Variants in DOCK1 observed in about 807,000 individuals in gnomAD.
The protein encoded by DOCK1 is dedicator of cytokinesis protein 1.
A neutral mutation model predicts 262.7 loss-of-function variants in DOCK1; 138 were observed. The ratio of observed to expected loss-of-function variants is 0.53; its 90% CI spans 0.46 to 0.61. The LOEUF (loss-of-function observed/expected upper bound fraction) is 0.61, where lower values mean the gene tolerates loss of function less well. Among genes scored for constraint, DOCK1 ranks in the 20% least tolerant of loss-of-function variants. The pLI, the probability that DOCK1 is intolerant of heterozygous loss-of-function variation, is 0.00. For synonymous variants in DOCK1, 866 were observed against 867.4 expected (o/e 1.00, Z 0.03); for missense variants, 1,908 against 2,370.7 (o/e 0.80, Z 4.05).
intron 27 of DOCK1, among the ~76,000 whole-genome samples, chr10:127,215,020 A>C (rs1368108858): frequency 6.6e-6 from 1 of 152,102 alleles, no homozygotes; most frequent in Non-Finnish European, 1.5e-5. Flanking sequence ...CATCGTGTAC[A>C]GTCTCCCTCG....
chr10:126,928,763 T>C (rs952004279), intron 1 of DOCK1, among the ~76,000 whole-genome samples: 23 of 151,838 alleles, frequency 1.5e-4, no homozygotes, highest in Non-Finnish European at 5.9e-5. Context: ...AGCCAAGGAG[T>C]GGAGGCTCTG....
At chr10:127,098,503 T>C (rs73374790) in intron 23 of DOCK1, among the ~76,000 whole-genome samples, 8,541 of 152,198 alleles carry the variant, frequency 0.056, 609 homozygotes, top group African/African-American at 0.17. Flanking sequence ...GCTTATCACA[T>C]GCACAACACG....
At chr10:127,236,292 G>A (rs1224189113) in intron 27 of DOCK1, among the ~76,000 whole-genome samples, 1 of 151,252 alleles carries the variant, frequency 6.6e-6, no homozygotes, top group East Asian at 2.0e-4. Context: ...TTTTGTATAC[G>A]GTTTAAGGTA....
At chr10:127,270,817 A>G (rs1319449783) in intron 29 of DOCK1, among the ~76,000 whole-genome samples, 1 of 152,192 alleles carries the variant, frequency 6.6e-6, no homozygotes, top group Non-Finnish European at 1.5e-5. Flanking sequence ...ACTTTGTAAC[A>G]TCAGACTGAT....
At position 127,012,317 on chromosome 10, in the gene DOCK1, C is replaced by T; in HGVS notation, c.1144C>T (p.Leu382Phe). The T allele has an allele frequency of 3.1e-6, 5 of 1,614,016 alleles. No individual in the cohort carries two copies. Among genetic ancestry groups the T allele is most frequent in the Non-Finnish European group, 4.2e-6 (5 of 1,179,902 alleles). The change falls in exon 12 of 52, where the codon CTT becomes TTT. Residue 382 changes from leucine (L) to phenylalanine (F), a missense_variant. Coordinates refer to ENST00000623213, the MANE Select transcript of DOCK1 (RefSeq NM_001290223.2). This position sits in a 1 kb window ranked among gnomAD's most constrained non-coding sequence, Gnocchi z 4.0. ...CAGGGTGGCAGGGGAGAATGACTTC[C>T]TTCAGACTGTTATAAACAAAGTCAT... ...SPRVAGENDF[L>F]QTVINKVIAA...
chr10:127,185,376 A>C (rs1203372068), intron 27 of DOCK1, among the ~76,000 whole-genome samples: 6 of 152,092 alleles, frequency 3.9e-5, no homozygotes, highest in Non-Finnish European at 5.9e-5. Context: ...AAATACAAAA[A>C]TTAGCTGGGC....
At chr10:127,011,433 A>G (rs2041434074) in intron 11 of DOCK1, among the ~76,000 whole-genome samples, 1 of 152,204 alleles carries the variant, frequency 6.6e-6, no homozygotes, top group African/African-American at 2.4e-5. Flanking sequence ...CAAGTGATGG[A>G]TAGCACTGTC....
intron 1 of DOCK1, among the ~76,000 whole-genome samples, chr10:126,967,338 T>TA (rs1184406394): frequency 6.6e-6 from 1 of 152,116 alleles, no homozygotes; most frequent in Non-Finnish European, 1.5e-5. Flanking sequence ...TGGATTCATT[T>TA]AAAAAAATTC....
chr10:126,968,079 A>C (rs2134638942), intron 1 of DOCK1, among the ~76,000 whole-genome samples: 1 of 152,136 alleles, frequency 6.6e-6, no homozygotes, highest in East Asian at 1.9e-4. Context: ...GCCTCCCAAA[A>C]GTAATCCCCC....
At chr10:126,919,370 A>T (rs910538622) in intron 1 of DOCK1, among the ~76,000 whole-genome samples, 3 of 152,226 alleles carry the variant, frequency 2.0e-5, no homozygotes, top group African/African-American at 7.2e-5. Flanking sequence ...CTGTGCTTCT[A>T]TTAACTTCAC....
intron 1 of DOCK1, among the ~76,000 whole-genome samples, chr10:126,907,611 A>G (rs1331729076): frequency 6.6e-6 from 1 of 152,014 alleles, no homozygotes; most frequent in Non-Finnish European, 1.5e-5. Context: ...AGACCTTGTT[A>G]CCCTTCGTCT....
At chr10:126,989,810 G>A (rs774834564) in intron 5 of DOCK1, among the ~76,000 whole-genome samples, 13 of 152,222 alleles carry the variant, frequency 8.5e-5, no homozygotes, top group Non-Finnish European at 1.3e-4. Context: ...GTGGTAAGAA[G>A]TGTGAGTTTT....
At chr10:127,200,831 G>T (rs1268240043) in intron 27 of DOCK1, among the ~76,000 whole-genome samples, 4 of 152,184 alleles carry the variant, frequency 2.6e-5, no homozygotes, top group African/African-American at 9.7e-5. Context: ...ACATCTAGAG[G>T]TGAGGAATGC....
chr10:127,404,573 G>C lies in DOCK1; in HGVS notation c.4122+144G>C, dbSNP rs1239802111. On this transcript the variant is annotated intron_variant, in intron 40 of 51. Transcript: ENST00000623213. ...TGCCATAGCTCGGTGGTTAGCCCGG[G>C]GGGCAGAGAGGGGTTGACAGGATTT... is the stretch of plus-strand genomic sequence containing the variant. The C allele has an allele frequency of 2.2e-5, 15 of 689,614 alleles. No individual in the cohort carries two copies. The East Asian group carries it at 3.6e-4, about 16-fold the overall frequency. The allele number at this position is 689,614 out of a possible 1,614,324, so 42.7% of individuals were successfully genotyped here.
chr10:127,346,088 A>T (rs758393425), intron 31 of DOCK1, among the ~76,000 whole-genome samples: 1 of 152,176 alleles, frequency 6.6e-6, no homozygotes, highest in Non-Finnish European at 1.5e-5. Flanking sequence ...AGCGCCCGCT[A>T]TTGGGTGAAG....
chr10:127,095,088 A>G (rs1359986434), intron 23 of DOCK1, among the ~76,000 whole-genome samples: 1 of 152,230 alleles, frequency 6.6e-6, no homozygotes, highest in African/African-American at 2.4e-5. Context: ...TAATGCTCCT[A>G]TTTAGAATGA....
chr10:127,002,986 G>T (rs1048866452), intron 10 of DOCK1, among the ~76,000 whole-genome samples: 1 of 152,248 alleles, frequency 6.6e-6, no homozygotes, highest in African/African-American at 2.4e-5. Flanking sequence ...GGCACATGGG[G>T]TGTCCCCCCT....
At chr10:127,340,579 A>T (rs1590567580) in intron 30 of DOCK1, among the ~76,000 whole-genome samples, 1 of 152,280 alleles carries the variant, frequency 6.6e-6, no homozygotes, top group Non-Finnish European at 1.5e-5. Flanking sequence ...TGTGTCTCTT[A>T]GTACACGCAT....
intron 13 of DOCK1, among the ~76,000 whole-genome samples, chr10:127,021,832 G>GAA: frequency 6.8e-6 from 1 of 147,776 alleles, no homozygotes; most frequent in African/African-American, 2.5e-5. Context: ...CAGTTTAAAA[G>GAA]AAAAAAAAAA....
Sources: gnomAD v4.1 joint callset for allele counts (sites outside exome capture counted in the v4.1 genomes callset) on GRCh38, gnomAD v4.1.1 for gene constraint, Gnocchi (gnomAD v3.1) non-coding constraint, MANE v1.5 for transcripts, NCBI Gene and HGNC (gene_info 2026-07-23, HGNC 2026-07-21) for gene names.